Variants in LBH observed in about 807,000 individuals in gnomAD.
LBH encodes the protein protein LBH.
LBH carries 7 observed loss-of-function variants against 12.5 expected under a neutral mutation model. The ratio of observed to expected loss-of-function variants is 0.56; its 90% CI spans 0.32 to 1.05. The LOEUF (loss-of-function observed/expected upper bound fraction) is 1.05. Ranked by LOEUF, LBH falls within the 50% of genes least tolerant of loss-of-function variation. LBH has a pLI of 0.04. For synonymous variants in LBH, 51 were observed against 50.1 expected (o/e 1.02, Z -0.08); for missense variants, 119 against 138.9 (o/e 0.86, Z 0.72).
Position 30,257,597 on chromosome 2 carries a change from A to G in LBH, c.294A>G (p.Thr98=), listed in dbSNP as rs757666742. ...QEDEQDNCEE[T]AKENKEQ ...ATGAGCAAGATAACTGCGAAGAGAC[A>G]GCGAAAGAAAATAAAGAGCAGTAGA... Residue 98 remains threonine, a synonymous_variant, in exon 3 of 3, where the codon ACA becomes ACG. Transcript: ENST00000395323. 1.9e-5 allele frequency: 30 copies of G among 1,613,014 alleles called. No individual in the cohort carries two copies. The Admixed American group carries it at 5.0e-4, about 27-fold the overall frequency.
At chr2:30,247,510 T>C (rs1677896051) in intron 2 of LBH, among the ~76,000 whole-genome samples, 1 of 152,214 alleles carries the variant, frequency 6.6e-6, no homozygotes, top group Non-Finnish European at 1.5e-5. Context: ...ACTTTGTCCA[T>C]TTTTGAGAAA....
chr2:30,250,534 C>T (rs974792124), intron 2 of LBH, among the ~76,000 whole-genome samples: 4 of 151,302 alleles, frequency 2.6e-5, no homozygotes, highest in Admixed American at 6.6e-5. Context: ...GGGAGGGTGG[C>T]TCTGACCAGG....
chr2:30,243,171 C>T (rs1677818079), intron 2 of LBH, among the ~76,000 whole-genome samples: 1 of 152,188 alleles, frequency 6.6e-6, no homozygotes, highest in South Asian at 2.1e-4. Context: ...TTACTTATTT[C>T]AAGCATGATG....
intron 2 of LBH, among the ~76,000 whole-genome samples, chr2:30,235,161 G>T (rs1677667825): frequency 6.6e-6 from 1 of 152,130 alleles, no homozygotes; most frequent in Non-Finnish European, 1.5e-5. Context: ...GAGCCCTCTG[G>T]ACTCTTACCC....
At chr2:30,235,721 G>A (rs998013120) in intron 2 of LBH, among the ~76,000 whole-genome samples, 2 of 152,126 alleles carry the variant, frequency 1.3e-5, no homozygotes, top group African/African-American at 2.4e-5. Context: ...TAGAAAGCCA[G>A]GGAGCCAGGG....
At chr2:30,244,207 T>A (rs536861377) in intron 2 of LBH, among the ~76,000 whole-genome samples, 116 of 152,272 alleles carry the variant, frequency 7.6e-4, no homozygotes, top group Non-Finnish European at 1.4e-3. Flanking sequence ...CCTTTTAGGA[T>A]CCTCTAAAAT....
At chr2:30,232,056 C>G (rs1271784795) in intron 1 of LBH, 1 of 1,459,512 alleles carries the variant, frequency 6.9e-7, no homozygotes, top group East Asian at 2.5e-5. Flanking sequence ...TGTGAATCCC[C>G]CCCAATGAAA....
In LBH at chr2:30,244,629, G is replaced by A. The variant is rs533068354; in HGVS notation, c.129+10122G>A. ...TAAGAAACCTTCATTAAGGCTGGACGCGTGGCTCACACCTATAATCCCAGC... is the reference window on the plus strand; with the variant it reads ...TAAGAAACCTTCATTAAGGCTGGACACGTGGCTCACACCTATAATCCCAGC... On this transcript the variant is annotated intron_variant, in intron 2 of 2. Transcript: ENST00000395323. 3.3e-5 allele frequency among the ~76,000 whole-genome samples: 5 copies of A among 152,066 alleles called. No individual in the cohort carries two copies. The South Asian group carries it at 8.3e-4, about 25-fold the overall frequency.
In LBH at chr2:30,257,792, T is replaced by A; in HGVS notation, c.*171T>A. On this transcript the variant is annotated 3_prime_UTR_variant, in exon 3 of 3. Coordinates refer to ENST00000395323, the MANE Select transcript of LBH (RefSeq NM_030915.4). ...TTGGTTTTCTTTTCTTTTCTTGCCT[T>A]TTTTTTTTTTTGAAATTTGCCGAGC... The A allele has an allele frequency of 2.4e-6, 1 of 422,912 alleles. No homozygotes were observed. Among genetic ancestry groups the A allele is most frequent in the Non-Finnish European group, 4.1e-6 (1 of 244,962 alleles). 26.2% of individuals were successfully genotyped at this position (422,912 alleles called of 1,614,324 possible). A position where few individuals can be genotyped will look rare whatever the true frequency, so the allele number is the denominator to read the frequency against.
intron 2 of LBH, among the ~76,000 whole-genome samples, chr2:30,250,229 C>T (rs1374065823): frequency 6.6e-6 from 1 of 152,106 alleles, no homozygotes; most frequent in Admixed American, 6.5e-5. Flanking sequence ...TCCACAGTGC[C>T]TTAGGGAGCT....
At chr2:30,232,320 C>A (rs1024365265) in intron 1 of LBH, 1 of 1,334,594 alleles carries the variant, frequency 7.5e-7, no homozygotes, top group Non-Finnish European at 9.9e-7. Context: ...GCCTCTCAAC[C>A]CCTGCCCTCT....
At chr2:30,255,890 CT>C (rs1262988884) in intron 2 of LBH, among the ~76,000 whole-genome samples, 6 of 152,340 alleles carry the variant, frequency 3.9e-5, no homozygotes, top group Middle Eastern at 3.4e-3. Context: ...CAAAGTTTTG[CT>C]TTCCTTTCTT....
rs113721073 is a variant in LBH, at chr2:30,257,790, C to CTTTTTTT, written c.*176_*182dup. The CTTTTTTT allele has an allele frequency of 0.02, 8,165 of 401,220 alleles. 398 individuals carry two copies. The highest frequency in any genetic ancestry group is 0.12 in the African/African-American group (4,911 of 40,808). 24.9% of individuals were successfully genotyped at this position (401,220 alleles called of 1,614,324 possible). On this transcript the variant is annotated 3_prime_UTR_variant, in exon 3 of 3. Transcript: ENST00000395323. Reference sequence around the variant, plus strand: ...AGTTGGTTTTCTTTTCTTTTCTTGCCTTTTTTTTTTTTTGAAATTTGCCGA... The same window carrying CTTTTTTT: ...AGTTGGTTTTCTTTTCTTTTCTTGCCTTTTTTTTTTTTTTTTTTTTGAAATTTGCCGA...
intron 1 of LBH, among the ~76,000 whole-genome samples, chr2:30,233,548 T>A (rs1677630096): frequency 6.6e-6 from 1 of 152,278 alleles, no homozygotes; most frequent in Admixed American, 6.5e-5. Context: ...AGCAGGTACC[T>A]GTATTTGGTG....
chr2:30,255,455 T>C (rs997489530), intron 2 of LBH, among the ~76,000 whole-genome samples: 1 of 152,244 alleles, frequency 6.6e-6, no homozygotes, highest in African/African-American at 2.4e-5. Context: ...GTTTTCCTCC[T>C]GGCTGCCATT....
chr2:30,244,261 G>A (rs2103559408), intron 2 of LBH, among the ~76,000 whole-genome samples: 1 of 152,252 alleles, frequency 6.6e-6, no homozygotes, highest in Admixed American at 6.5e-5. Flanking sequence ...GGCAGTTGAA[G>A]CATCAGGAAC....
At position 30,241,464 on chromosome 2, in the gene LBH, T is replaced by C. The variant is rs181700270; in HGVS notation, c.129+6957T>C. Among the ~76,000 whole-genome samples, 747 of 150,072 alleles carry C rather than the reference T, an allele frequency of 5.0e-3. 5 individuals carry two copies. Among genetic ancestry groups the C allele is most frequent in the African/African-American group, 0.016 (664 of 41,104 alleles). Reference sequence around the variant, plus strand: ...CTATTTTTATTTTCTTTCTTTCTTTTTTTTTTTTTTTTGAGATGGTATTTT... The same window carrying C: ...CTATTTTTATTTTCTTTCTTTCTTTCTTTTTTTTTTTTGAGATGGTATTTT... On this transcript the variant is annotated intron_variant, in intron 2 of 2. Coordinates refer to ENST00000395323, the MANE Select transcript of LBH (RefSeq NM_030915.4).
intron 2 of LBH, among the ~76,000 whole-genome samples, chr2:30,241,523 G>A (rs1307576515): frequency 4.8e-5 from 7 of 146,608 alleles, no homozygotes; most frequent in Admixed American, 7.0e-5. Context: ...GCAATGGTGC[G>A]ATCTCAGCTC....
intron 2 of LBH, among the ~76,000 whole-genome samples, chr2:30,251,952 G>A (rs903725951): frequency 1.3e-5 from 2 of 151,982 alleles, no homozygotes; most frequent in African/African-American, 4.8e-5. Flanking sequence ...CTTCTGAGAT[G>A]AACAATGGTG....
Sources: allele counts gnomAD v4.1 joint callset (sites outside exome capture counted in the v4.1 genomes callset), GRCh38; gene constraint gnomAD v4.1.1; transcripts MANE v1.5; gene names NCBI Gene and HGNC (gene_info 2026-07-23, HGNC 2026-07-21).